Variants in ASAP2 observed in about 807,000 individuals in gnomAD.
ASAP2 encodes ArfGAP with SH3 domain, ankyrin repeat and PH domain 2.
A neutral mutation model predicts 131.4 loss-of-function variants in ASAP2; 45 were observed. The ratio of observed to expected loss-of-function variants is 0.34; its 90% CI spans 0.27 to 0.44. The LOEUF (loss-of-function observed/expected upper bound fraction) is 0.44, where lower values mean the gene tolerates loss of function less well. Among genes scored for constraint, ASAP2 ranks in the 20% least tolerant of loss-of-function variants. ASAP2 has a pLI of 1.00. For missense variants in ASAP2, 1,011 were observed against 1,297.0 expected (o/e 0.78, Z 3.39); for synonymous variants, 510 against 503.0 (o/e 1.01, Z -0.19).
intron 3 of ASAP2, among the ~76,000 whole-genome samples, chr2:9,308,776 C>G (rs1044513298): frequency 1.3e-5 from 2 of 152,162 alleles, no homozygotes; most frequent in African/African-American, 4.8e-5. Context: ...GTGGATGACT[C>G]AAGCCTCTGT....
intron 12 of ASAP2, among the ~76,000 whole-genome samples, chr2:9,355,108 A>G (rs1672611430): frequency 6.6e-6 from 1 of 152,172 alleles, no homozygotes; most frequent in African/African-American, 2.4e-5. Context: ...ATGTTATCCA[A>G]TCATATTTAT....
At chr2:9,328,052 A>G (rs1415850962) in intron 7 of ASAP2, 141 bp downstream of exon 7, 5 of 565,888 alleles carry the variant, frequency 8.8e-6, no homozygotes, top group Admixed American at 4.2e-5. Context: ...ATGCGACAAC[A>G]CGGGTAAACA....
rs540573495 is a variant in ASAP2, at chr2:9,376,946, C to T, written c.1785C>T (p.Ser595=). The change falls in exon 18 of 28, where the codon TCC becomes TCT. Residue 595 remains serine, a synonymous_variant. Transcript: ENST00000281419. ...DETALHLAVR[S]VDRTSLHIVD... ...CGGCCCTCCACCTTGCAGTCAGATC[C>T]GTGGATCGAACCTCTCTTCACATTG... 3.1e-6 allele frequency: 5 copies of T among 1,614,122 alleles called. No homozygotes were observed. In the South Asian group the frequency reaches 3.3e-5, roughly 11 times the overall value.
At chr2:9,260,075 C>G (rs1665473690) in intron 1 of ASAP2, among the ~76,000 whole-genome samples, 1 of 152,194 alleles carries the variant, frequency 6.6e-6, no homozygotes, top group Non-Finnish European at 1.5e-5. Flanking sequence ...GGCCTGATGG[C>G]TCTGCTATGG....
At chr2:9,377,077 G>A in intron 18 of ASAP2, 84 bp downstream of exon 18, 4 of 1,241,152 alleles carry the variant, frequency 3.2e-6, no homozygotes, top group Non-Finnish European at 3.5e-6. Flanking sequence ...CATCGCTTCT[G>A]ATGTGTTGTC....
chr2:9,377,113 T>C (rs917589145), intron 18 of ASAP2, 120 bp downstream of exon 18: 1 of 861,614 alleles, frequency 1.2e-6, no homozygotes, highest in African/African-American at 1.7e-5. Context: ...GTTCTAAACA[T>C]GAATTAAAGA....
chr2:9,368,493 A>G lies in ASAP2; in HGVS notation c.1530A>G (p.Ser510=), dbSNP rs1558374006. Residue 510 remains serine, a synonymous_variant, in exon 16 of 28, where the codon TCA becomes TCG. Transcript: ENST00000281419. ...IMECCLPAED[S]VKPNPGSDMN... ...AATGTTGCCTACCAGCTGAGGACTCAGTCAAACCCAACCCAGGCAGCGACA... is the reference window on the plus strand; with the variant it reads ...AATGTTGCCTACCAGCTGAGGACTCGGTCAAACCCAACCCAGGCAGCGACA... 2 of 1,614,190 alleles carry G rather than the reference A, an allele frequency of 1.2e-6. No individual in the cohort carries two copies. Among genetic ancestry groups the G allele is most frequent in the East Asian group, 4.5e-5 (2 of 44,876 alleles).
At chr2:9,349,871 TA>T (rs1672217496) in intron 11 of ASAP2, among the ~76,000 whole-genome samples, 1 of 152,034 alleles carries the variant, frequency 6.6e-6, no homozygotes, top group South Asian at 2.1e-4. Context: ...GTATCTGGAT[TA>T]ATCCCAAATT....
At position 9,389,932 on chromosome 2, in the gene ASAP2, C is replaced by T. The variant is rs1675592197; in HGVS notation, c.2384-1130C>T. ...TTCTCCCCGCCTCTCCCAGATCCTGCAGGCAGGCATCAATTTTCTACGGCC... is the reference window on the plus strand; with the variant it reads ...TTCTCCCCGCCTCTCCCAGATCCTGTAGGCAGGCATCAATTTTCTACGGCC... On this transcript the variant is annotated intron_variant, in intron 22 of 27. Coordinates refer to ENST00000281419, the MANE Select transcript of ASAP2 (RefSeq NM_003887.3). This position sits in a 1 kb window ranked among gnomAD's most constrained non-coding sequence, Gnocchi z 4.7. Among the ~76,000 whole-genome samples the T allele has an allele frequency of 1.3e-5, 2 of 152,188 alleles. No individual in the cohort carries two copies. Among genetic ancestry groups the T allele is most frequent in the African/African-American group, 4.8e-5 (2 of 41,454 alleles).
chr2:9,402,473 T>A (rs1676814616), intron 27 of ASAP2, among the ~76,000 whole-genome samples: 2 of 152,044 alleles, frequency 1.3e-5, no homozygotes, highest in South Asian at 4.1e-4. Flanking sequence ...ATACAAAAAA[T>A]TAGCTAGGTG....
intron 27 of ASAP2, 66 bp from the exon 28 acceptor site, chr2:9,403,187 A>C: frequency 7.0e-7 from 1 of 1,418,998 alleles, no homozygotes; most frequent in Middle Eastern, 1.8e-4. Context: ...GCTCTATGTA[A>C]TGCTCTTCAA....
rs530919579 is a variant in ASAP2, at chr2:9,252,928, A to G, written c.127-26389A>G. Reference sequence around the variant, plus strand: ...AGACTCCGTCTCAAAAAAAAAAAAAAAAAGAATTTAGGAACACAAGCAGAT... The same window carrying G: ...AGACTCCGTCTCAAAAAAAAAAAAAGAAAGAATTTAGGAACACAAGCAGAT... On this transcript the variant is annotated intron_variant, in intron 1 of 27. Transcript: ENST00000281419. Among the ~76,000 whole-genome samples, 8 of 151,844 alleles carry G rather than the reference A, an allele frequency of 5.3e-5. No individual in the cohort carries two copies. In the East Asian group the frequency reaches 1.6e-3, roughly 30 times the overall value.
In ASAP2 at chr2:9,376,910, G is replaced by A. The variant is rs1000808844; in HGVS notation, c.1749G>A (p.Glu583=). The A allele has an allele frequency of 3.1e-6, 5 of 1,614,086 alleles. No homozygotes were observed. The highest frequency in any genetic ancestry group is 4.2e-6 in the Non-Finnish European group (5 of 1,179,984). The part of the protein sequence containing the change: ...TEKIPLANGH[E]PDETALHLAV... ...AATGCCTTTGTTTGGTTTTTCAGGAGCCGGATGAAACGGCCCTCCACCTTG... is the reference window on the plus strand; with the variant it reads ...AATGCCTTTGTTTGGTTTTTCAGGAACCGGATGAAACGGCCCTCCACCTTG... Residue 583 remains glutamate (E), a splice_region_variant and synonymous_variant, in exon 18 of 28, where the codon GAG becomes GAA. Transcript: ENST00000281419.
chr2:9,352,234 CACACACACACACAA>C (rs869143501), intron 12 of ASAP2, among the ~76,000 whole-genome samples: 3 of 111,552 alleles, frequency 2.7e-5, no homozygotes, highest in Admixed American at 1.9e-4. Flanking sequence ...CACACACACA[CACACACACACACAA>C]ACACACACAC....
intron 16 of ASAP2, among the ~76,000 whole-genome samples, chr2:9,370,690 C>G (rs1673879885): frequency 6.6e-6 from 1 of 152,184 alleles, no homozygotes; most frequent in African/African-American, 2.4e-5. Context: ...GCCTGGTTGA[C>G]ATTAGCTGCC....
chr2:9,250,443 A>T (rs1166016567), intron 1 of ASAP2, among the ~76,000 whole-genome samples: 2 of 152,184 alleles, frequency 1.3e-5, no homozygotes, highest in African/African-American at 4.8e-5. Flanking sequence ...GGGATGCAGG[A>T]TGCCAGACAT....
At chr2:9,393,791 C>G in intron 24 of ASAP2, 144 bp downstream of exon 24, 1 of 867,558 alleles carries the variant, frequency 1.2e-6, no homozygotes, top group East Asian at 3.0e-5. Flanking sequence ...GCTGAAGGGT[C>G]TTAAAAATAA....
chr2:9,312,840 C>T (rs765079453), intron 3 of ASAP2, among the ~76,000 whole-genome samples: 2 of 152,114 alleles, frequency 1.3e-5, no homozygotes, highest in Non-Finnish European at 2.9e-5. Flanking sequence ...TTACAGTGGT[C>T]ATCAGAGCTG....
Position 9,403,400 on chromosome 2 carries a change from C to T in ASAP2, c.*73C>T. The T allele has an allele frequency of 6.9e-7, 1 of 1,456,444 alleles. No individual in the cohort carries two copies. Among genetic ancestry groups the T allele is most frequent in the Non-Finnish European group, 9.6e-7 (1 of 1,044,038 alleles). 90.2% of individuals were successfully genotyped at this position (1,456,444 alleles called of 1,614,324 possible). ...TGGTACCAAAACTCTTGCCAGATAA[C>T]CAGTTTCATGAACTGTTTGTATGGC... On this transcript the variant is annotated 3_prime_UTR_variant, in exon 28 of 28. Coordinates refer to ENST00000281419, the MANE Select transcript of ASAP2 (RefSeq NM_003887.3).
Sources: allele counts gnomAD v4.1 joint callset (sites outside exome capture counted in the v4.1 genomes callset), GRCh38; gene constraint gnomAD v4.1.1; non-coding constraint Gnocchi (gnomAD v3.1); transcripts MANE v1.5; gene names NCBI Gene and HGNC (gene_info 2026-07-23, HGNC 2026-07-21).